The following FOCAD variants were observed in gnomAD, a reference collection of about 807,000 sequenced individuals.
FOCAD encodes KIAA1797.
Under a neutral mutation model 225.6 loss-of-function variants are expected in FOCAD, and 198 were observed. That is an observed-to-expected ratio of 0.88 (90% CI 0.78 to 0.99). The LOEUF is 0.99. FOCAD is among the 50% of genes least tolerant of loss of function. The pLI is 0.00. For synonymous variants in FOCAD, 897 were observed against 755.0 expected, an observed-to-expected ratio of 1.19 and a Z score of -3.08; for missense variants, 2,713 against 2,123.6, an observed-to-expected ratio of 1.28 and a Z score of -5.46.
intron 35 of FOCAD, among the ~76,000 whole-genome samples, chr9:20,972,488 CT>C (rs546755326): frequency 8.2e-4 from 125 of 151,856 alleles, no homozygotes; most frequent in Middle Eastern, 6.8e-3. Context: ...TATATGCTCT[CT>C]TTTTTTCTAT....
chr9:20,655,899 C>T (rs942464003), upstream of FOCAD, among the ~76,000 whole-genome samples: 2 of 151,938 alleles, frequency 1.3e-5, no homozygotes, highest in African/African-American at 4.8e-5. Flanking sequence ...TTCCTGCTTT[C>T]TCTTGTGGGC....
intron 15 of FOCAD, among the ~76,000 whole-genome samples, chr9:20,850,565 C>T (rs1431616737): frequency 6.6e-6 from 1 of 151,714 alleles, no homozygotes; most frequent in African/African-American, 2.4e-5. Flanking sequence ...CTTTTGCAGT[C>T]TTTATACTTC....
intron 4 of FOCAD, among the ~76,000 whole-genome samples, chr9:20,730,562 C>T (rs1317664600): frequency 6.6e-6 from 1 of 152,068 alleles, no homozygotes; most frequent in African/African-American, 2.4e-5. Flanking sequence ...TCTTTAGAAG[C>T]AGCTTGAGAG....
intron 1 of FOCAD, among the ~76,000 whole-genome samples, chr9:20,712,854 T>C (rs1316655344): frequency 6.8e-6 from 1 of 146,108 alleles, no homozygotes; most frequent in East Asian, 2.2e-4. Flanking sequence ...TATCCCAGCC[T>C]CCTGAGTAAC....
chr9:20,908,141 A>G (rs1833142273), intron 22 of FOCAD, among the ~76,000 whole-genome samples: 2 of 152,136 alleles, frequency 1.3e-5, no homozygotes, highest in Admixed American at 1.3e-4. Context: ...CAAGAAAACA[A>G]CTAGCTTAAT....
At chr9:20,943,279 A>G (rs897474429) in intron 28 of FOCAD, among the ~76,000 whole-genome samples, 2 of 152,154 alleles carry the variant, frequency 1.3e-5, no homozygotes, top group African/African-American at 2.4e-5. Flanking sequence ...CTAATGATGG[A>G]TTATTACTGT....
At position 20,920,722 on chromosome 9, in the gene FOCAD, T is replaced by G. The variant is rs190391041; in HGVS notation, c.2853-2938T>G. The stretch of plus-strand genomic sequence containing the variant: ...GTAAACTATCGCAAGGTCAAAAAAC[T>G]GAACACCGCATGTTCTTACTCATAG... On this transcript the variant is annotated intron_variant, in intron 24 of 43. Coordinates refer to ENST00000338382, the MANE Select transcript of FOCAD (RefSeq NM_001375567.1). 1.7e-3 allele frequency among the ~76,000 whole-genome samples: 252 copies of G among 151,664 alleles called. No individual in the cohort carries two copies. The Middle Eastern group carries it at 0.017, about 10-fold the overall frequency.
intron 5 of FOCAD, among the ~76,000 whole-genome samples, chr9:20,743,210 G>A (rs1827771747): frequency 6.6e-6 from 1 of 152,144 alleles, no homozygotes; most frequent in African/African-American, 2.4e-5. Flanking sequence ...AAGCATAAAA[G>A]GGATATGAGA....
intron 35 of FOCAD, among the ~76,000 whole-genome samples, chr9:20,960,049 C>G (rs572407562): frequency 1.1e-4 from 17 of 151,970 alleles, no homozygotes; most frequent in Non-Finnish European, 2.4e-4. Flanking sequence ...ATCAACAATC[C>G]CAGTGATGTT....
At chr9:20,842,353 C>T (rs541383471) in intron 15 of FOCAD, among the ~76,000 whole-genome samples, 2 of 151,786 alleles carry the variant, frequency 1.3e-5, no homozygotes, top group African/African-American at 2.4e-5. Context: ...ATGTCTGCAG[C>T]TATTATTGTC....
At chr9:20,938,978 G>GA (rs915970159) in intron 28 of FOCAD, among the ~76,000 whole-genome samples, 62 of 147,944 alleles carry the variant, frequency 4.2e-4, no homozygotes, top group Non-Finnish European at 6.0e-4. Context: ...ATTAAAAATT[G>GA]AAAAAAAAAT....
In FOCAD at chr9:20,976,495, A is replaced by G. The variant is rs1564230897; in HGVS notation, c.4208A>G (p.Tyr1403Cys). The G allele has an allele frequency of 2.5e-6, 4 of 1,613,380 alleles. No homozygotes were observed. Among genetic ancestry groups the G allele is most frequent in the Admixed American group, 1.7e-5 (1 of 59,990 alleles). Residue 1403 changes from tyrosine (Y) to cysteine (C), a missense_variant, in exon 36 of 44, where the codon TAT becomes TGT. By Grantham distance (194) the Tyr-to-Cys change is radical. Coordinates refer to ENST00000338382, the MANE Select transcript of FOCAD (RefSeq NM_001375567.1). ...GCAACTGTTGGAGAAAGCTACCAAT[A>G]TCCTCCTGTGAACTGGGCTGCACTT... The part of the protein sequence containing the change: ...PIATVGESYQ[Y>C]PPVNWAALLS...
At chr9:20,907,070 A>G (rs1017603821) in intron 21 of FOCAD, 80 bp from the exon 22 acceptor site, 1 of 1,129,106 alleles carries the variant, frequency 8.9e-7, no homozygotes. Flanking sequence ...AAGGAAAAGA[A>G]AGAACTGATG....
intron 15 of FOCAD, among the ~76,000 whole-genome samples, chr9:20,849,334 C>CGA (rs1827424646): frequency 6.6e-6 from 1 of 151,688 alleles, no homozygotes; most frequent in African/African-American, 2.4e-5. Context: ...ACCATCTATC[C>CGA]TCTCCTTTCC....
chr9:20,847,356 A>G (rs1487343637), intron 15 of FOCAD, among the ~76,000 whole-genome samples: 3 of 152,100 alleles, frequency 2.0e-5, no homozygotes, highest in South Asian at 2.1e-4. Flanking sequence ...CTTATTTCAC[A>G]TAGCATAATG....
At chr9:20,665,010 A>C (rs1224354824) in intron 2 of FOCAD, among the ~76,000 whole-genome samples, 1 of 152,168 alleles carries the variant, frequency 6.6e-6, no homozygotes, top group Admixed American at 6.5e-5. Flanking sequence ...ATGACGAATA[A>C]GTTGGTGGTA....
At chr9:20,873,752 C>G (rs958152123) in intron 18 of FOCAD, 1 of 152,042 alleles carries the variant, frequency 6.6e-6, no homozygotes, top group East Asian at 1.9e-4. Context: ...AGTGCACTTC[C>G]TAAATGGAAC....
At chr9:20,723,879 G>A (rs992044313) in intron 4 of FOCAD, among the ~76,000 whole-genome samples, 1 of 152,152 alleles carries the variant, frequency 6.6e-6, no homozygotes, top group Admixed American at 6.5e-5. Flanking sequence ...AGGAAGCATG[G>A]TGCCAGTATC....
At chr9:20,708,809 C>T (rs1824600195) in intron 1 of FOCAD, among the ~76,000 whole-genome samples, 2 of 151,938 alleles carry the variant, frequency 1.3e-5, no homozygotes, top group South Asian at 2.1e-4. Flanking sequence ...CTGTTTAGCC[C>T]TGAGTTTCAG....
Sources: allele counts gnomAD v4.1 joint callset (sites outside exome capture counted in the v4.1 genomes callset), GRCh38; gene constraint gnomAD v4.1.1; transcripts MANE v1.5; gene names NCBI Gene and HGNC (gene_info 2026-07-23, HGNC 2026-07-21).